Variants in ITGA4 observed in about 807,000 individuals in gnomAD.
The protein encoded by ITGA4 is integrin alpha-4.
ITGA4 carries 63 observed loss-of-function variants against 133.6 expected under a neutral mutation model. The observed-to-expected ratio is 0.47, with a 90% CI of 0.38 to 0.58. The LOEUF (loss-of-function observed/expected upper bound fraction) is 0.58, where lower values mean the gene tolerates loss of function less well. ITGA4 is among the 20% of genes least tolerant of loss of function. The probability of loss-of-function intolerance (pLI) is 0.00; values close to 1 mark genes in which losing one functional copy is unlikely to be tolerated. For synonymous variants in ITGA4, 483 were observed against 438.0 expected (o/e 1.10, Z -1.28); for missense variants, 1,076 against 1,252.7 (o/e 0.86, Z 2.13).
Position 181,523,592 on chromosome 2 carries a change from C to A in ITGA4, c.2169+60C>A. The A allele has an allele frequency of 1.1e-6, 1 of 920,894 alleles. No individual in the cohort carries two copies. The highest frequency in any genetic ancestry group is 1.8e-6 in the Non-Finnish European group (1 of 568,482). The allele number at this position is 920,894 out of a possible 1,614,324, so 57.0% of individuals were successfully genotyped here. A position where few individuals can be genotyped will look rare whatever the true frequency, so the allele number is the denominator to read the frequency against. On this transcript the variant is annotated intron_variant, in intron 19 of 27. Transcript: ENST00000397033. The surrounding 1 kb of genome is among the most constrained non-coding windows in gnomAD (Gnocchi z 4.2). ...TCATGAATATTTTTTTCTATTCTTC[C>A]CTATCTTTAGGTTGCATAGAAAATA...
At chr2:181,504,126 T>C (rs1158595601) in intron 15 of ITGA4, among the ~76,000 whole-genome samples, 15 of 152,074 alleles carry the variant, frequency 9.9e-5, no homozygotes, top group Non-Finnish European at 4.4e-5. Flanking sequence ...TTTGTCTGCA[T>C]TTCCAACAAA....
intron 15 of ITGA4, among the ~76,000 whole-genome samples, chr2:181,507,646 C>A (rs1251221790): frequency 1.3e-5 from 2 of 152,098 alleles, no homozygotes; most frequent in African/African-American, 4.8e-5. Context: ...TTGCACTTAA[C>A]CTTTGTAAAT....
chr2:181,507,759 CAAG>C (rs1391675468), intron 15 of ITGA4, among the ~76,000 whole-genome samples: 1 of 151,938 alleles, frequency 6.6e-6, no homozygotes, highest in Non-Finnish European at 1.5e-5. Flanking sequence ...GGAATAATGA[CAAG>C]AAAAAAAATC....
intron 15 of ITGA4, among the ~76,000 whole-genome samples, chr2:181,503,575 T>A (rs1686329862): frequency 6.7e-6 from 1 of 149,380 alleles, no homozygotes. Context: ...CTTTTTTTTT[T>A]TTTTTTTTTT....
At chr2:181,490,003 G>A (rs1574392538) in intron 10 of ITGA4, among the ~76,000 whole-genome samples, 1 of 152,128 alleles carries the variant, frequency 6.6e-6, no homozygotes, top group Admixed American at 6.6e-5. Context: ...GGGGGTGCAC[G>A]TGAGAGGGTC....
intron 2 of ITGA4, 105 bp downstream of exon 2, chr2:181,458,422 T>G: frequency 7.2e-7 from 1 of 1,381,992 alleles, no homozygotes; most frequent in South Asian, 1.3e-5. Flanking sequence ...TACTTCTGGT[T>G]TAAAGAGCAT....
chr2:181,535,322 G>A lies in ITGA4; in HGVS notation c.3004-110G>A, dbSNP rs540091639. 4 of 791,134 alleles carry A rather than the reference G, an allele frequency of 5.1e-6. No homozygotes were observed. The South Asian group carries it at 7.9e-5, about 16-fold the overall frequency. The allele number at this position is 791,134 out of a possible 1,614,324, so 49.0% of individuals were successfully genotyped here. ...AACCTTTATGACTGATGTTACAAGG[G>A]ATGCAGTTTAAGAAATATTGGTGTT... On this transcript the variant is annotated intron_variant, in intron 27 of 27. Coordinates refer to ENST00000397033, the MANE Select transcript of ITGA4 (RefSeq NM_000885.6).
In ITGA4 at chr2:181,538,138, A is replaced by T. The variant is rs1296146344; in HGVS notation, c.*2611A>T. Reference sequence around the variant, plus strand: ...GTTTAAAGCATGGCCACATTTCTTTATATTAAAATTCTAGTTTGTACATTT... The same window carrying T: ...GTTTAAAGCATGGCCACATTTCTTTTTATTAAAATTCTAGTTTGTACATTT... On this transcript the variant is annotated 3_prime_UTR_variant, in exon 28 of 28. Coordinates refer to ENST00000397033, the MANE Select transcript of ITGA4 (RefSeq NM_000885.6). The T allele has an allele frequency of 7.8e-7, 1 of 1,288,484 alleles. No homozygotes were observed. The highest frequency in any genetic ancestry group is 1.2e-5 in the South Asian group (1 of 83,860). 79.8% of individuals were successfully genotyped at this position (1,288,484 alleles called of 1,614,324 possible).
rs754220288 is a variant in ITGA4 at position 181,535,413 on chromosome 2, T to C, written c.3004-19T>C. The C allele has an allele frequency of 1.6e-5, 25 of 1,569,816 alleles. No individual in the cohort carries two copies. The African/African-American group carries it at 2.9e-4, about 18-fold the overall frequency. On this transcript the variant is annotated intron_variant, in intron 27 of 27. Coordinates refer to ENST00000397033, the MANE Select transcript of ITGA4 (RefSeq NM_000885.6). ...GTGTTCATAACTATACACTAGTGATTATGTTATGCTATTTTCAGGCTGGCT... is the reference window on the plus strand; with the variant it reads ...GTGTTCATAACTATACACTAGTGATCATGTTATGCTATTTTCAGGCTGGCT...
At chr2:181,535,380 A>G (rs552492182) in intron 27 of ITGA4, 52 bp from the exon 28 acceptor site, 2 of 1,368,002 alleles carry the variant, frequency 1.5e-6, no homozygotes, top group African/African-American at 1.5e-5. Flanking sequence ...AGTATAGTAG[A>G]TAAGAGAGTG....
chr2:181,507,504 A>G (rs1323615602), intron 15 of ITGA4, among the ~76,000 whole-genome samples: 3 of 152,032 alleles, frequency 2.0e-5, no homozygotes, highest in African/African-American at 4.8e-5. Context: ...TCTAAGAGAC[A>G]CTGTGTTTTA....
At chr2:181,527,429 A>G in intron 22 of ITGA4, 42 bp downstream of exon 22, 1 of 1,314,572 alleles carries the variant, frequency 7.6e-7, no homozygotes, top group Non-Finnish European at 1.1e-6. Context: ...ACAACCTAAA[A>G]GGATGTCACT....
chr2:181,536,315 C>CT lies in ITGA4; in HGVS notation c.*788_*789insT, dbSNP rs1687086345. ...CTATAACACACCTTTATCAAGCATA[C>CT]CCAGGAGTAATCTTCAAATCTTTTG... On this transcript the variant is annotated 3_prime_UTR_variant, in exon 28 of 28. Transcript: ENST00000397033. 2 of 151,982 alleles carry CT rather than the reference C, an allele frequency of 1.3e-5. No individual in the cohort carries two copies. Among genetic ancestry groups the CT allele is most frequent in the Non-Finnish European group, 2.9e-5 (2 of 67,966 alleles). The allele number at this position is 151,982 out of a possible 1,614,324, so 9.4% of individuals were successfully genotyped here. A position where few individuals can be genotyped will look rare whatever the true frequency, so the allele number is the denominator to read the frequency against.
intron 6 of ITGA4, 23 bp from the exon 7 acceptor site, chr2:181,481,575 A>T: frequency 7.0e-7 from 1 of 1,419,804 alleles, no homozygotes; most frequent in Non-Finnish European, 9.9e-7. Context: ...CAGGACTCTC[A>T]TACTTTCTCC....
rs1434673923 is a variant in ITGA4, at chr2:181,475,699, T to C, written c.556+411T>C. The C allele has an allele frequency of 2.3e-6, 3 of 1,316,766 alleles. No homozygotes were observed. In the African/African-American group the frequency reaches 4.4e-5, roughly 19 times the overall value. 81.6% of individuals were successfully genotyped at this position (1,316,766 alleles called of 1,614,324 possible). ...GAGTAATTGGGAAGAATAATCAGTG[T>C]AAGCAAATCTTTCATTCGCACTCAC... is the stretch of plus-strand genomic sequence containing the variant. On this transcript the variant is annotated intron_variant, in intron 4 of 27. Transcript: ENST00000397033.
intron 17 of ITGA4, among the ~76,000 whole-genome samples, chr2:181,519,820 T>C (rs766647635): frequency 6.6e-6 from 1 of 152,126 alleles, no homozygotes; most frequent in Non-Finnish European, 1.5e-5. Context: ...GGCTATAACG[T>C]GACAGTATTT....
At chr2:181,505,322 C>T (rs931493766) in intron 15 of ITGA4, among the ~76,000 whole-genome samples, 19 of 151,772 alleles carry the variant, frequency 1.3e-4, no homozygotes, top group African/African-American at 4.1e-4. Context: ...TTTTTTTGCC[C>T]CACCAAGTTA....
At chr2:181,488,311 A>G (rs965697448) in intron 10 of ITGA4, among the ~76,000 whole-genome samples, 1 of 152,202 alleles carries the variant, frequency 6.6e-6, no homozygotes, top group Non-Finnish European at 1.5e-5. Flanking sequence ...CTCAATTTGT[A>G]TATGAGACCC....
At chr2:181,490,897 A>G (rs1380804783) in intron 10 of ITGA4, among the ~76,000 whole-genome samples, 1 of 152,246 alleles carries the variant, frequency 6.6e-6, no homozygotes, top group Admixed American at 6.5e-5. Context: ...AATGAAATAA[A>G]ATGTTCAGAT....
Sources: allele counts gnomAD v4.1 joint callset (sites outside exome capture counted in the v4.1 genomes callset), GRCh38; gene constraint gnomAD v4.1.1; non-coding constraint Gnocchi (gnomAD v3.1); transcripts MANE v1.5; gene names NCBI Gene and HGNC (gene_info 2026-07-23, HGNC 2026-07-21).